ACVR2A: variants seen among roughly 807,000 people sequenced by gnomAD.
ACVR2A encodes the protein activin receptor type-2A.
ACVR2A carries 7 observed loss-of-function variants against 61.4 expected under a neutral mutation model. That is an observed-to-expected ratio of 0.11 (90% CI 0.06 to 0.21). The LOEUF (loss-of-function observed/expected upper bound fraction) is 0.21, where lower values mean the gene tolerates loss of function less well. Ranked by LOEUF, ACVR2A falls within the 10% of genes least tolerant of loss-of-function variation. The pLI is 1.00. For synonymous variants in ACVR2A, 193 were observed against 208.3 expected (o/e 0.93, Z 0.63); for missense variants, 322 against 621.7 (o/e 0.52, Z 5.13).
chr2:147,851,882 T>G (rs1383968096), intron 1 of ACVR2A, among the ~76,000 whole-genome samples: 1 of 152,054 alleles, frequency 6.6e-6, no homozygotes, highest in African/African-American at 2.4e-5. Flanking sequence ...TGAAATGAAA[T>G]TATTTCACTT....
At chr2:147,912,760 C>T (rs999718992) in intron 4 of ACVR2A, among the ~76,000 whole-genome samples, 10 of 151,724 alleles carry the variant, frequency 6.6e-5, no homozygotes, top group African/African-American at 2.4e-4. Flanking sequence ...GAACCCAATC[C>T]TTTGTGTATT....
chr2:147,887,081 A>C (rs963933947), intron 1 of ACVR2A, among the ~76,000 whole-genome samples: 2 of 151,986 alleles, frequency 1.3e-5, no homozygotes, highest in Non-Finnish European at 2.9e-5. Flanking sequence ...ATGTGGTGGC[A>C]CATACCTGTT....
At chr2:147,880,334 G>A (rs1194114968) in intron 1 of ACVR2A, among the ~76,000 whole-genome samples, 1 of 152,000 alleles carries the variant, frequency 6.6e-6, no homozygotes, top group East Asian at 1.9e-4. Context: ...ACTGTGCCTG[G>A]CCCCAGTGAC....
intron 4 of ACVR2A, among the ~76,000 whole-genome samples, chr2:147,901,269 G>C (rs1444449055): frequency 6.6e-6 from 1 of 151,904 alleles, no homozygotes; most frequent in African/African-American, 2.4e-5. Context: ...TATTATAATA[G>C]TTTCCTCAGT....
At chr2:147,868,252 A>T (rs972025713) in intron 1 of ACVR2A, among the ~76,000 whole-genome samples, 4 of 152,202 alleles carry the variant, frequency 2.6e-5, no homozygotes, top group Admixed American at 1.3e-4. Flanking sequence ...GGGGAAGAGG[A>T]TTCTGTACAG....
chr2:147,885,749 T>C (rs1158400211), intron 1 of ACVR2A, among the ~76,000 whole-genome samples: 2 of 152,128 alleles, frequency 1.3e-5, no homozygotes, highest in African/African-American at 4.8e-5. Context: ...TTGGTGAAGA[T>C]GTAGGTAAAG....
At chr2:147,903,233 A>T (rs1380587678) in intron 4 of ACVR2A, among the ~76,000 whole-genome samples, 3 of 151,632 alleles carry the variant, frequency 2.0e-5, no homozygotes, top group Non-Finnish European at 4.4e-5. Context: ...AGGCATAGAA[A>T]AAAGCAGTTT....
At chr2:147,885,361 C>T (rs548731354) in intron 1 of ACVR2A, among the ~76,000 whole-genome samples, 1 of 152,140 alleles carries the variant, frequency 6.6e-6, no homozygotes, top group East Asian at 1.9e-4. Flanking sequence ...TCAGTCAGTA[C>T]TTGTTTTAAA....
At chr2:147,907,777 G>T (rs940007442) in intron 4 of ACVR2A, among the ~76,000 whole-genome samples, 28 of 152,106 alleles carry the variant, frequency 1.8e-4, no homozygotes, top group Non-Finnish European at 3.5e-4. Context: ...TGTAATCCCA[G>T]CACTTTAGGA....
intron 5 of ACVR2A, 28 bp downstream of exon 5, chr2:147,915,362 A>C: frequency 6.2e-7 from 1 of 1,609,570 alleles, no homozygotes; most frequent in Admixed American, 1.7e-5. Context: ...TTGTCATCTT[A>C]CATACATGTT....
At chr2:147,845,428 C>T (rs1434849705) in intron 1 of ACVR2A, among the ~76,000 whole-genome samples, 1 of 144,762 alleles carries the variant, frequency 6.9e-6, no homozygotes, top group Non-Finnish European at 1.5e-5. Flanking sequence ...GGTCGGCGAG[C>T]TGATAAGAGT....
intron 4 of ACVR2A, among the ~76,000 whole-genome samples, chr2:147,911,892 A>G (rs923948954): frequency 6.6e-6 from 1 of 152,024 alleles, no homozygotes; most frequent in Non-Finnish European, 1.5e-5. Flanking sequence ...TTTATATGTC[A>G]TTAGCTTAAA....
In ACVR2A at chr2:147,845,093, G is replaced by A. The variant is rs2105123238; in HGVS notation, c.-60G>A. On this transcript the variant is annotated 5_prime_UTR_variant, in exon 1 of 11. Coordinates refer to ENST00000241416, the MANE Select transcript of ACVR2A (RefSeq NM_001616.5). ...CACCAGGAGGTTTGTCTCCGAGGAA[G>A]ACCCAGGGAACTGGATATCTAGCGA... The A allele has an allele frequency of 7.6e-7, 1 of 1,323,746 alleles. No individual in the cohort carries two copies. Among genetic ancestry groups the A allele is most frequent in the Middle Eastern group, 2.3e-4 (1 of 4,372 alleles). 82.0% of individuals were successfully genotyped at this position (1,323,746 alleles called of 1,614,324 possible). A position where few individuals can be genotyped will look rare whatever the true frequency, so the allele number is the denominator to read the frequency against.
rs1687535870 is a variant in ACVR2A, at chr2:147,927,683, T to C, written c.*409T>C. 1 of 155,286 alleles carries C rather than the reference T, an allele frequency of 6.4e-6. No individual in the cohort carries two copies. The highest frequency in any genetic ancestry group is 2.4e-5 in the African/African-American group (1 of 41,466). 9.6% of individuals were successfully genotyped at this position (155,286 alleles called of 1,614,324 possible). A position where few individuals can be genotyped will look rare whatever the true frequency, so the allele number is the denominator to read the frequency against. Reference sequence around the variant, plus strand: ...AATCAAAAACTTTTCATTTCAGATTTTAAAAAGGGTAACTTGTTTTTATTG... The same window carrying C: ...AATCAAAAACTTTTCATTTCAGATTCTAAAAAGGGTAACTTGTTTTTATTG... On this transcript the variant is annotated 3_prime_UTR_variant, in exon 11 of 11. Transcript: ENST00000241416.
intron 1 of ACVR2A, among the ~76,000 whole-genome samples, chr2:147,882,269 C>CTT (rs1686324048): frequency 4.6e-5 from 7 of 152,030 alleles, no homozygotes; most frequent in Non-Finnish European, 8.8e-5. Flanking sequence ...CCTTAAATAA[C>CTT]GCTGGATGCA....
intron 1 of ACVR2A, among the ~76,000 whole-genome samples, chr2:147,885,211 CTCTAAAAAAAAATT>C (rs970341606): frequency 1.3e-5 from 2 of 151,906 alleles, no homozygotes; most frequent in African/African-American, 4.8e-5. Flanking sequence ...GCAAAGTTTT[CTCTAAAAAAAAATT>C]TCTAAAAAAA....
intron 7 of ACVR2A, 114 bp from the exon 8 acceptor site, chr2:147,920,116 A>G: frequency 1.5e-6 from 1 of 687,324 alleles, no homozygotes; most frequent in Non-Finnish European, 2.4e-6. Flanking sequence ...GCATTTCATA[A>G]TTTTAAGTAA....
In ACVR2A at chr2:147,857,626, A is replaced by G. The variant is rs1685616945; in HGVS notation, c.55+12419A>G. On this transcript the variant is annotated intron_variant, in intron 1 of 10. Transcript: ENST00000241416. Reference sequence around the variant, plus strand: ...TAATTATGCAGATCTTTGGGTTGATATAGTAGAAAGAGCAAACATTCTGCC... The same window carrying G: ...TAATTATGCAGATCTTTGGGTTGATGTAGTAGAAAGAGCAAACATTCTGCC... Among the ~76,000 whole-genome samples, 5 of 151,990 alleles carry G rather than the reference A, an allele frequency of 3.3e-5. No homozygotes were observed. In the South Asian group the frequency reaches 1.0e-3, roughly 32 times the overall value.
chr2:147,896,644 A>T, intron 2 of ACVR2A, 136 bp downstream of exon 2: 1 of 720,696 alleles, frequency 1.4e-6, no homozygotes, highest in Non-Finnish European at 2.3e-6. Context: ...TATAAAGAAC[A>T]TTATAACATG....
Sources: allele counts gnomAD v4.1 joint callset (sites outside exome capture counted in the v4.1 genomes callset), GRCh38; gene constraint gnomAD v4.1.1; transcripts MANE v1.5; gene names NCBI Gene and HGNC (gene_info 2026-07-23, HGNC 2026-07-21).